PLEKHM3: variants seen among roughly 807,000 people sequenced by gnomAD.
PLEKHM3 encodes pleckstrin homology domain-containing family M member 3.
In PLEKHM3, 45 loss-of-function variants were observed where a neutral mutation model predicts 81.8. The observed-to-expected ratio is 0.55, with a 90% confidence interval of 0.43 to 0.71. The LOEUF is 0.71. Among genes scored for constraint, PLEKHM3 ranks in the 30% least tolerant of loss-of-function variants. The pLI, the probability that PLEKHM3 is intolerant of heterozygous loss-of-function variation, is 0.00. For missense variants in PLEKHM3, 788 were observed against 924.3 expected (o/e 0.85, Z 1.91); for synonymous variants, 352 against 356.4 (o/e 0.99, Z 0.14).
At chr2:208,010,859 A>C (rs1410912439) in intron 1 of PLEKHM3, among the ~76,000 whole-genome samples, 1 of 152,114 alleles carries the variant, frequency 6.6e-6, no homozygotes, top group African/African-American at 2.4e-5. Context: ...CAAAACTAAA[A>C]CTGAGTTAAT....
intron 6 of PLEKHM3, among the ~76,000 whole-genome samples, chr2:207,888,922 G>A (rs959619992): frequency 1.3e-5 from 2 of 152,156 alleles, no homozygotes; most frequent in Non-Finnish European, 2.9e-5. Flanking sequence ...GTCTGGGTAC[G>A]AAATCAAAAT....
intron 1 of PLEKHM3, among the ~76,000 whole-genome samples, chr2:208,025,095 G>A (rs1693284133): frequency 6.6e-6 from 1 of 152,124 alleles, no homozygotes; most frequent in Non-Finnish European, 1.5e-5. Flanking sequence ...AGGCGGGGAT[G>A]GCAGGGATAC....
At chr2:207,926,939 C>A (rs987377446) in intron 5 of PLEKHM3, among the ~76,000 whole-genome samples, 1 of 152,188 alleles carries the variant, frequency 6.6e-6, no homozygotes, top group Admixed American at 6.5e-5. Context: ...AGTTTTCTCA[C>A]GACAGCAATA....
chr2:207,897,301 C>A (rs1412200145), intron 6 of PLEKHM3, among the ~76,000 whole-genome samples: 1 of 152,060 alleles, frequency 6.6e-6, no homozygotes, highest in Non-Finnish European at 1.5e-5. Flanking sequence ...GGTTTAGTGT[C>A]CACAGATGCA....
At chr2:208,011,490 T>G (rs904985167) in intron 1 of PLEKHM3, among the ~76,000 whole-genome samples, 2 of 152,138 alleles carry the variant, frequency 1.3e-5, no homozygotes, top group African/African-American at 4.8e-5. Flanking sequence ...ACTACTATTC[T>G]AAGTGAAGTA....
intron 5 of PLEKHM3, among the ~76,000 whole-genome samples, chr2:207,926,599 C>A (rs933669618): frequency 2.0e-5 from 3 of 152,206 alleles, no homozygotes; most frequent in African/African-American, 4.8e-5. Context: ...TAATTCTTCT[C>A]ATGAAAAGTT....
chr2:207,844,435 T>C, intron 7 of PLEKHM3, among the ~76,000 whole-genome samples: 1 of 150,690 alleles, frequency 6.6e-6, no homozygotes, highest in African/African-American at 2.4e-5. Context: ...CCGGAGTAGC[T>C]GGGACTACAG....
intron 1 of PLEKHM3, among the ~76,000 whole-genome samples, chr2:208,013,415 C>T (rs570409544): frequency 1.3e-5 from 2 of 152,112 alleles, no homozygotes; most frequent in East Asian, 3.9e-4. Context: ...ACTGAGGAGG[C>T]TGAGGCAGGA....
intron 7 of PLEKHM3, among the ~76,000 whole-genome samples, chr2:207,858,136 A>ATG (rs141449083): frequency 0.021 from 2,612 of 126,890 alleles, 55 homozygotes; most frequent in South Asian, 0.082. Context: ...TCATATAGAT[A>ATG]TGTGTGTGTG....
intron 1 of PLEKHM3, among the ~76,000 whole-genome samples, chr2:208,004,231 A>G (rs974220934): frequency 9.9e-5 from 15 of 152,218 alleles, no homozygotes; most frequent in African/African-American, 3.6e-4. Context: ...CCTGGCCAAC[A>G]TGGTGAAACC....
In PLEKHM3 at chr2:207,977,088, C is replaced by G; in HGVS notation, c.1109G>C (p.Arg370Thr). Residue 370 changes from arginine to threonine, a missense_variant, in exon 3 of 8, where the codon AGG becomes ACG. Coordinates refer to ENST00000427836, the MANE Select transcript of PLEKHM3 (RefSeq NM_001080475.3). ...QNILKSGTLYRLTVQNNWKAF... is the reference protein window; with the variant it reads ...QNILKSGTLYTLTVQNNWKAF... The stretch of plus-strand genomic sequence containing the variant: ...CTTCCAGTTGTTTTGGACAGTCAGC[C>G]TGTAGAGAGTCCCTGATTTGAGGAT... 6.2e-7 allele frequency: 1 copy of G among 1,614,186 alleles called. No individual in the cohort carries two copies. The highest frequency in any genetic ancestry group is 8.5e-7 in the Non-Finnish European group (1 of 1,180,024).
chr2:207,876,304 G>A lies in PLEKHM3; in HGVS notation c.1951-15042C>T, dbSNP rs149952318. ...ATTGTTAAAAAAAAAACCAATGACA[G>A]CTCTACAAAGCATGGCTTTAGAAGT... On this transcript the variant is annotated intron_variant, in intron 6 of 7. Transcript: ENST00000427836. 6.1e-3 allele frequency among the ~76,000 whole-genome samples: 935 copies of A among 152,120 alleles called. 15 individuals carry two copies. The highest frequency in any genetic ancestry group is 0.021 in the African/African-American group (869 of 41,508).
intron 6 of PLEKHM3, among the ~76,000 whole-genome samples, chr2:207,883,601 C>T (rs917996970): frequency 4.6e-5 from 7 of 152,208 alleles, no homozygotes; most frequent in Middle Eastern, 3.4e-3. Flanking sequence ...TAAGGTGTAG[C>T]GTGCAAGTAT....
intron 3 of PLEKHM3, among the ~76,000 whole-genome samples, chr2:207,974,294 G>A (rs1199437895): frequency 1.3e-5 from 2 of 151,990 alleles, no homozygotes; most frequent in African/African-American, 2.4e-5. Context: ...TGCCGGATGC[G>A]AATGAGCTTG....
At chr2:207,954,685 TC>T (rs1473632499) in intron 3 of PLEKHM3, among the ~76,000 whole-genome samples, 4 of 152,170 alleles carry the variant, frequency 2.6e-5, no homozygotes, top group Non-Finnish European at 5.9e-5. Context: ...ATTTGGGTTT[TC>T]CCCCTCTGAA....
chr2:207,956,521 A>G (rs1000128094), intron 3 of PLEKHM3, among the ~76,000 whole-genome samples: 1 of 151,878 alleles, frequency 6.6e-6, no homozygotes, highest in Non-Finnish European at 1.5e-5. Context: ...GAAGCAGAGT[A>G]GCAAAGTAAA....
At chr2:208,012,170 T>G (rs996488159) in intron 1 of PLEKHM3, among the ~76,000 whole-genome samples, 2 of 152,114 alleles carry the variant, frequency 1.3e-5, no homozygotes, top group African/African-American at 4.8e-5. Flanking sequence ...GCCTCCCGAG[T>G]AGCTGGGACT....
intron 3 of PLEKHM3, among the ~76,000 whole-genome samples, chr2:207,967,127 C>A (rs1300173916): frequency 1.3e-5 from 2 of 152,150 alleles, no homozygotes; most frequent in East Asian, 3.8e-4. Context: ...GGGACTACTA[C>A]AGGCATCAGC....
chr2:207,832,883 G>T (rs1311345002), intron 7 of PLEKHM3, among the ~76,000 whole-genome samples: 1 of 146,290 alleles, frequency 6.8e-6, no homozygotes, highest in Non-Finnish European at 1.5e-5. Flanking sequence ...AGGCTGAGGT[G>T]GGTGGATCAC....
Sources: gnomAD v4.1 joint callset for allele counts (sites outside exome capture counted in the v4.1 genomes callset) on GRCh38, gnomAD v4.1.1 for gene constraint, MANE v1.5 for transcripts, NCBI Gene and HGNC (gene_info 2026-07-23, HGNC 2026-07-21) for gene names.